Variants in ZNF536 observed in about 807,000 individuals in gnomAD.
ZNF536 encodes zinc finger protein 536.
In ZNF536, 13 loss-of-function variants were observed where a neutral mutation model predicts 84.5. The ratio of observed to expected loss-of-function variants is 0.15; its 90% confidence interval spans 0.10 to 0.24. The LOEUF is 0.24. ZNF536 is among the 10% of genes least tolerant of loss of function. The pLI is 1.00. For missense variants in ZNF536, 1,536 were observed against 1,747.5 expected (o/e 0.88, Z 2.16); for synonymous variants, 811 against 742.5 (o/e 1.09, Z -1.50).
chr19:30,590,192 C>A (rs1341869997), intron 1 of ZNF536, among the ~76,000 whole-genome samples: 1 of 152,156 alleles, frequency 6.6e-6, no homozygotes, highest in African/African-American at 2.4e-5. Flanking sequence ...TGAGCCTTGA[C>A]CCCCTCAGTG....
intron 1 of ZNF536, among the ~76,000 whole-genome samples, chr19:30,397,429 G>A (rs1035797625): frequency 5.9e-5 from 9 of 152,332 alleles, no homozygotes; most frequent in African/African-American, 1.4e-4. Context: ...ATGTATCAAC[G>A]TTAGTTTCCT....
rs2049237826 is a variant in ZNF536, at chr19:30,640,680, T to A, written c.170-70077T>A. On this transcript the variant is annotated intron_variant, in intron 1 of 1. Transcript: ENST00000592773. Reference sequence around the variant, plus strand: ...CTGGTAGCTCCTGAATATCCCTCTGTGCAGGCACAGGCACTCCATATCCTA... The same window carrying A: ...CTGGTAGCTCCTGAATATCCCTCTGAGCAGGCACAGGCACTCCATATCCTA... Among the ~76,000 whole-genome samples, 3 of 152,236 alleles carry A rather than the reference T, an allele frequency of 2.0e-5. No individual in the cohort carries two copies. In the South Asian group the frequency reaches 6.2e-4, roughly 32 times the overall value.
chr19:30,305,434 T>C (rs536527629), intron 2 of ZNF536, among the ~76,000 whole-genome samples: 2 of 152,294 alleles, frequency 1.3e-5, no homozygotes, highest in South Asian at 4.1e-4. Context: ...TTGAGTCAAG[T>C]GCTTGGCAAA....
intron 2 of ZNF536, among the ~76,000 whole-genome samples, chr19:30,327,891 C>A (rs774045125): frequency 6.6e-6 from 1 of 152,164 alleles, no homozygotes; most frequent in Non-Finnish European, 1.5e-5. Context: ...GGTTGGAGAA[C>A]GGGGTTATAT....
chr19:30,240,932 G>T (rs1039452812), intron 1 of ZNF536, among the ~76,000 whole-genome samples: 12 of 152,208 alleles, frequency 7.9e-5, no homozygotes, highest in Non-Finnish European at 1.5e-5. Context: ...ATTTGGAACT[G>T]TTTGGGGTCC....
intron 1 of ZNF536, among the ~76,000 whole-genome samples, chr19:30,691,298 C>T (rs569017859): frequency 1.3e-5 from 2 of 152,276 alleles, no homozygotes; most frequent in African/African-American, 2.4e-5. Flanking sequence ...TGCATCAGGG[C>T]GGTCGTCTCC....
At chr19:30,505,974 C>T (rs1457098153) in intron 2 of ZNF536, among the ~76,000 whole-genome samples, 2 of 151,716 alleles carry the variant, frequency 1.3e-5, no homozygotes, top group Admixed American at 6.6e-5. Flanking sequence ...CCAAGATTCC[C>T]AATTTTTAAT....
rs571442767 is a variant in ZNF536 at position 30,639,183 on chromosome 19, A to T, written c.170-71574A>T. ...GACATGGCGTATACAAATTTTAGAG[A>T]TGCCTTTTGACTGTATGAGAACTGC... On this transcript the variant is annotated intron_variant, in intron 1 of 1. Transcript: ENST00000592773. Among the ~76,000 whole-genome samples, 39 of 152,314 alleles carry T rather than the reference A, an allele frequency of 2.6e-4. 1 individual carries two copies. The highest frequency in any genetic ancestry group is 7.0e-4 in the African/African-American group (29 of 41,568).
At chr19:30,434,150 C>A (rs1432640363) in intron 1 of ZNF536, among the ~76,000 whole-genome samples, 1 of 152,166 alleles carries the variant, frequency 6.6e-6, no homozygotes, top group Non-Finnish European at 1.5e-5. Flanking sequence ...TTCCATTACT[C>A]CAGTCTAGTT....
At chr19:30,460,824 A>C (rs1307113744) in intron 2 of ZNF536, among the ~76,000 whole-genome samples, 1 of 152,068 alleles carries the variant, frequency 6.6e-6, no homozygotes, top group Non-Finnish European at 1.5e-5. Context: ...CCACAGAAAA[A>C]CAGTGGTTAG....
intron 1 of ZNF536, among the ~76,000 whole-genome samples, chr19:30,632,753 A>T (rs918655568): frequency 5.3e-5 from 8 of 152,190 alleles, no homozygotes; most frequent in African/African-American, 1.9e-4. Context: ...TGTGACAAGC[A>T]GTTTGATGTT....
chr19:30,531,561 G>A (rs936717351), intron 2 of ZNF536, among the ~76,000 whole-genome samples: 3 of 151,898 alleles, frequency 2.0e-5, no homozygotes, highest in Admixed American at 1.3e-4. Context: ...TGAGCATAGC[G>A]GTCGATAGGT....
chr19:30,486,061 T>A (rs114834593), intron 2 of ZNF536, among the ~76,000 whole-genome samples: 2,271 of 152,298 alleles, frequency 0.015, 46 homozygotes, highest in African/African-American at 0.052. Context: ...AGTCTGCCAG[T>A]GACACATGTA....
At chr19:30,653,678 G>A (rs1204995768) in intron 1 of ZNF536, among the ~76,000 whole-genome samples, 1 of 146,684 alleles carries the variant, frequency 6.8e-6, no homozygotes, top group Non-Finnish European at 1.5e-5. Context: ...ACGGAAGAGA[G>A]GTGGGAGCCG....
chr19:30,308,123 G>A (rs1396499728), intron 2 of ZNF536, among the ~76,000 whole-genome samples: 1 of 152,176 alleles, frequency 6.6e-6, no homozygotes, highest in African/African-American at 2.4e-5. Flanking sequence ...CACATCTCAA[G>A]GGAGGTGTCA....
intron 1 of ZNF536, among the ~76,000 whole-genome samples, chr19:30,393,452 C>T (rs1568386143): frequency 6.6e-6 from 1 of 152,230 alleles, no homozygotes; most frequent in Non-Finnish European, 1.5e-5. Context: ...GACTTGATCC[C>T]TCTCTTTATG....
At chr19:30,290,986 G>A (rs1267469372) in intron 2 of ZNF536, among the ~76,000 whole-genome samples, 3 of 152,152 alleles carry the variant, frequency 2.0e-5, no homozygotes, top group African/African-American at 4.8e-5. Flanking sequence ...ATGGTTTCCA[G>A]CTTCATCCAT....
chr19:30,400,232 T>C lies in ZNF536; in HGVS notation c.-3+27676T>C, dbSNP rs112360331. ...TGAACGTAAGTTTATTTTTCTAATA[T>C]AAGGGCTCAGAAGTGCAATTGTTAG... is the stretch of plus-strand genomic sequence containing the variant. On this transcript the variant is annotated intron_variant, in intron 1 of 4. Coordinates refer to ENST00000355537, the MANE Select transcript of ZNF536 (RefSeq NM_014717.3). Among the ~76,000 whole-genome samples, 849 of 152,218 alleles carry C rather than the reference T, an allele frequency of 5.6e-3. 9 individuals carry two copies. Among genetic ancestry groups the C allele is most frequent in the African/African-American group, 0.019 (796 of 41,528 alleles).
chr19:30,552,634 C>T (rs2045824386), intron 4 of ZNF536, among the ~76,000 whole-genome samples: 1 of 152,190 alleles, frequency 6.6e-6, no homozygotes, highest in East Asian at 1.9e-4. Flanking sequence ...TTCTTCCTAA[C>T]TTTTAAAACT....
Sources: gnomAD v4.1 joint callset for allele counts (sites outside exome capture counted in the v4.1 genomes callset) on GRCh38, gnomAD v4.1.1 for gene constraint, MANE v1.5 for transcripts, NCBI Gene and HGNC (gene_info 2026-07-23, HGNC 2026-07-21) for gene names.